VWA8: variants seen among roughly 807,000 people sequenced by gnomAD.
VWA8 encodes von Willebrand factor A domain-containing protein 8.
In VWA8, 221 loss-of-function variants were observed where a neutral mutation model predicts 241.5. The ratio of observed to expected loss-of-function variants is 0.91; its 90% confidence interval spans 0.82 to 1.02. VWA8 has a LOEUF of 1.02. VWA8 is among the 50% of genes least tolerant of loss of function. VWA8 has a pLI of 0.00. For synonymous variants in VWA8, 852 were observed against 827.1 expected, an observed-to-expected ratio of 1.03 and a Z score of -0.52; for missense variants, 2,322 against 2,328.7, an observed-to-expected ratio of 1.00 and a Z score of 0.06.
chr13:41,887,433 AG>A, intron 5 of VWA8, 72 bp from the exon 6 acceptor site: 1 of 1,479,962 alleles, frequency 6.8e-7, no homozygotes. Context: ...TGCCAAGTCC[AG>A]GGACTTAGGA....
In VWA8 at chr13:41,891,455, G is replaced by C. The variant is rs1874840179; in HGVS notation, c.616C>G (p.Leu206Val). 6.2e-7 allele frequency: 1 copy of C among 1,614,080 alleles called. No homozygotes were observed. ...TTGTCGTAACGCTCAGCAGACATCA[G>C]GAAGCGTCCATCTTCAAGCTGCATC... is the stretch of plus-strand genomic sequence containing the variant. ...REMQLEDGRFLMSAERYDKLL... is the reference protein window; with the variant it reads ...REMQLEDGRFVMSAERYDKLL... The change falls in exon 5 of 45, where the codon CTG (leucine) becomes GTG (valine). Residue 206 changes from leucine to valine, a missense_variant. Transcript: ENST00000379310.
chr13:41,812,503 CTA>C (rs1273995373), intron 16 of VWA8, among the ~76,000 whole-genome samples: 2 of 152,034 alleles, frequency 1.3e-5, no homozygotes, highest in Non-Finnish European at 2.9e-5. Context: ...AAAGAGGACT[CTA>C]TGAAATTAAC....
At chr13:41,574,236 C>G (rs755969683) in intron 43 of VWA8, among the ~76,000 whole-genome samples, 35 of 147,696 alleles carry the variant, frequency 2.4e-4, no homozygotes, top group Non-Finnish European at 4.5e-4. Flanking sequence ...TCTCAGGTTA[C>G]AAAATCAATA....
Position 41,729,626 on chromosome 13 carries a change from C to G in VWA8, c.2554G>C (p.Ala852Pro). ...HILVVDEADK[A>P]PTNVTCILKT... ...AAAATACACGTGACATTTGTTGGAG[C>G]TTTGTCAGCCTCATCTACTACCAGA... Residue 852 changes from alanine (A) to proline (P), a missense_variant, in exon 23 of 45, where the codon GCT becomes CCT. By Grantham distance (27) the Ala-to-Pro change is conservative. Transcript: ENST00000379310. 1 of 1,613,306 alleles carries G rather than the reference C, an allele frequency of 6.2e-7. No individual in the cohort carries two copies. The highest frequency in any genetic ancestry group is 8.5e-7 in the Non-Finnish European group (1 of 1,179,534).
At chr13:41,904,081 TTATAAAC>T (rs1281616751) in intron 4 of VWA8, among the ~76,000 whole-genome samples, 1 of 152,074 alleles carries the variant, frequency 6.6e-6, no homozygotes, top group African/African-American at 2.4e-5. Context: ...TTTATAAACT[TTATAAAC>T]TAAAATATAT....
chr13:41,573,486 A>AATAAATAAATAAATAAATATATATATAT (rs1555303591), intron 43 of VWA8, among the ~76,000 whole-genome samples: 1 of 113,614 alleles, frequency 8.8e-6, no homozygotes, highest in African/African-American at 3.4e-5. Flanking sequence ...AAAAAAAAAA[A>AATAAATAAATAAATAAATATATATATAT]ATATATATAT....
intron 44 of VWA8, among the ~76,000 whole-genome samples, chr13:41,570,002 G>A (rs527729260): frequency 1.3e-5 from 2 of 152,214 alleles, no homozygotes; most frequent in East Asian, 3.9e-4. Context: ...TGTAGGTGAT[G>A]TCTCTATGGG....
intron 12 of VWA8, among the ~76,000 whole-genome samples, chr13:41,838,747 A>G (rs868122946): frequency 6.6e-6 from 1 of 152,012 alleles, no homozygotes; most frequent in Non-Finnish European, 1.5e-5. Context: ...CACTAAAAAA[A>G]AGTTACAGGT....
intron 17 of VWA8, among the ~76,000 whole-genome samples, chr13:41,796,771 G>T (rs1869720677): frequency 6.7e-6 from 1 of 149,794 alleles, no homozygotes. Flanking sequence ...ATTTTCAAGT[G>T]TGTGAGTTTA....
intron 26 of VWA8, chr13:41,719,252 G>A (rs1022786551): frequency 1.1e-5 from 8 of 705,872 alleles, no homozygotes; most frequent in Non-Finnish European, 1.4e-5. Context: ...TTATCTCTAT[G>A]TGATTTTCAT....
rs556254147 is a variant in VWA8, at chr13:41,932,898, C to T, written c.241+17038G>A. Among the ~76,000 whole-genome samples the T allele has an allele frequency of 6.4e-4, 98 of 151,946 alleles. 3 individuals carry two copies. The South Asian group carries it at 0.019, about 30-fold the overall frequency. Reference sequence around the variant, plus strand: ...ACTAAAAACCCTTTCCCCCAACATCCGGAATAAGACGTTCTCTCTCATAAC... The same window carrying T: ...ACTAAAAACCCTTTCCCCCAACATCTGGAATAAGACGTTCTCTCTCATAAC... On this transcript the variant is annotated intron_variant, in intron 2 of 44. Transcript: ENST00000379310.
intron 4 of VWA8, among the ~76,000 whole-genome samples, chr13:41,902,069 GATGT>G (rs1875479117): frequency 6.6e-6 from 1 of 151,312 alleles, no homozygotes; most frequent in African/African-American, 2.4e-5. Flanking sequence ...TGCAAATTAG[GATGT>G]ATTTTTAAAT....
intron 21 of VWA8, among the ~76,000 whole-genome samples, chr13:41,749,637 A>G (rs1487562831): frequency 6.6e-6 from 1 of 152,200 alleles, no homozygotes; most frequent in African/African-American, 2.4e-5. Flanking sequence ...TAGATTAAGA[A>G]AATGTGGCAC....
chr13:41,746,055 A>G (rs2137884913), intron 21 of VWA8, among the ~76,000 whole-genome samples: 1 of 152,336 alleles, frequency 6.6e-6, no homozygotes, highest in Non-Finnish European at 1.5e-5. Flanking sequence ...TGGTTAAAGG[A>G]GACCTCAGCT....
intron 12 of VWA8, among the ~76,000 whole-genome samples, chr13:41,839,689 G>T (rs1304558045): frequency 1.3e-5 from 2 of 152,154 alleles, no homozygotes; most frequent in Non-Finnish European, 2.9e-5. Flanking sequence ...GTTTGTCAAA[G>T]ATCAGATGGT....
chr13:41,634,708 GAA>G (rs34688799), intron 37 of VWA8, among the ~76,000 whole-genome samples: 1 of 144,722 alleles, frequency 6.9e-6, no homozygotes. Flanking sequence ...TCTTCAAAGT[GAA>G]AAAAAAAACA....
chr13:41,947,134 T>C lies in VWA8; in HGVS notation c.241+2802A>G, dbSNP rs377391772. 2.8e-4 allele frequency among the ~76,000 whole-genome samples: 43 copies of C among 152,336 alleles called. 1 individual carries two copies. The East Asian group carries it at 6.4e-3, about 23-fold the overall frequency. The stretch of plus-strand genomic sequence containing the variant: ...TAAACTACCACTTGCCCATGCTGCA[T>C]TGGGGGTTGAGCCCAGTCTTTCTCC... On this transcript the variant is annotated intron_variant, in intron 2 of 44. Coordinates refer to ENST00000379310, the MANE Select transcript of VWA8 (RefSeq NM_015058.2).
intron 21 of VWA8, among the ~76,000 whole-genome samples, chr13:41,756,170 A>G (rs542644445): frequency 6.6e-6 from 1 of 151,942 alleles, no homozygotes; most frequent in South Asian, 2.1e-4. Flanking sequence ...ATTCTAAATA[A>G]CTTTACGCCA....
At chr13:41,868,782 G>C (rs1449495696) in intron 9 of VWA8, among the ~76,000 whole-genome samples, 1 of 151,406 alleles carries the variant, frequency 6.6e-6, no homozygotes, top group East Asian at 1.9e-4. Context: ...CAGCTACTCG[G>C]GAGGCTGAGG....
Sources: gnomAD v4.1 joint callset for allele counts (sites outside exome capture counted in the v4.1 genomes callset) on GRCh38, gnomAD v4.1.1 for gene constraint, MANE v1.5 for transcripts, NCBI Gene and HGNC (gene_info 2026-07-23, HGNC 2026-07-21) for gene names.